The following PDE5A variants were observed in gnomAD, a reference collection of about 807,000 sequenced individuals.
PDE5A encodes phosphodiesterase 5A.
A neutral mutation model predicts 110.2 loss-of-function variants in PDE5A; 67 were observed. The observed-to-expected ratio is 0.61, with a 90% confidence interval of 0.50 to 0.75. PDE5A has a LOEUF of 0.75. Ranked by LOEUF, PDE5A falls within the 30% of genes least tolerant of loss-of-function variation. The pLI is 0.00. For synonymous variants in PDE5A, 328 were observed against 351.2 expected (o/e 0.93, Z 0.74); for missense variants, 862 against 1,045.1 (o/e 0.82, Z 2.42).
At chr4:119,511,473 A>G (rs1285994469) in intron 14 of PDE5A, among the ~76,000 whole-genome samples, 1 of 152,182 alleles carries the variant, frequency 6.6e-6, no homozygotes. Flanking sequence ...TGTACCAATT[A>G]TATTTTTCAA....
intron 7 of PDE5A, among the ~76,000 whole-genome samples, chr4:119,560,008 C>G (rs546742728): frequency 1.3e-5 from 2 of 152,118 alleles, no homozygotes; most frequent in African/African-American, 4.8e-5. Context: ...TCCTAAAATC[C>G]TTTAATAGGA....
At chr4:119,545,163 C>T (rs186934805) in intron 9 of PDE5A, among the ~76,000 whole-genome samples, 7 of 152,144 alleles carry the variant, frequency 4.6e-5, no homozygotes, top group South Asian at 2.1e-4. Context: ...TTACACTCTT[C>T]GGAAAGTTTA....
At position 119,627,230 on chromosome 4, in the gene PDE5A, T is replaced by TC; in HGVS notation, c.152+1289dup. The TC allele has an allele frequency of 6.2e-7, 1 of 1,608,604 alleles. No homozygotes were observed. Among genetic ancestry groups the TC allele is most frequent in the South Asian group, 1.1e-5 (1 of 90,302 alleles). On this transcript the variant is annotated intron_variant, in intron 1 of 20. Transcript: ENST00000354960. The surrounding 1 kb of genome is among the most constrained non-coding windows in gnomAD (Gnocchi z 4.6). Reference sequence around the variant, plus strand: ...CCGCCGATCCTGGACTCCAGGAGGCTCCGTAGGGGCAACAACGCGCGCAGG... The same window carrying TC: ...CCGCCGATCCTGGACTCCAGGAGGCTCCCGTAGGGGCAACAACGCGCGCAGG...
rs750155577 is a variant in PDE5A at position 119,591,155 on chromosome 4, C to G, written c.831+5368G>C. Among the ~76,000 whole-genome samples the G allele has an allele frequency of 5.3e-5, 8 of 152,324 alleles. No homozygotes were observed. In the South Asian group the frequency reaches 1.7e-3, roughly 32 times the overall value. On this transcript the variant is annotated intron_variant, in intron 3 of 20. Transcript: ENST00000354960. ...GGGATCCCAGTTAGCTGAGTACTGG[C>G]TTTGGTCCCAGTTAGCTGATTATTA...
intron 6 of PDE5A, among the ~76,000 whole-genome samples, 165 bp downstream of exon 6, chr4:119,562,668 G>A (rs909202939): frequency 6.6e-6 from 1 of 152,118 alleles, no homozygotes; most frequent in African/African-American, 2.4e-5. Context: ...ACCCCTACCT[G>A]TCTTCAACCA....
chr4:119,547,851 C>T (rs760152695), intron 9 of PDE5A, among the ~76,000 whole-genome samples: 12 of 151,786 alleles, frequency 7.9e-5, no homozygotes, highest in Non-Finnish European at 8.8e-5. Flanking sequence ...TGCATATCAC[C>T]AATATTTGAT....
chr4:119,607,205 G>C lies in PDE5A; in HGVS notation c.245C>G (p.Pro82Arg). Reference protein sequence around the residue: ...IRGHTESCSCPLQQSPRADNS... With the variant: ...IRGHTESCSCRLQQSPRADNS... ...ATCTGCACGAGGACTCTGCTGCAAG[G>C]GACAAGAGCAAGATTCGGTGTGGCC... The change falls in exon 2 of 21, where the codon CCC becomes CGC. Residue 82 changes from proline (P) to arginine (R), a missense_variant. Physicochemically the swap from Pro to Arg is moderately radical, Grantham distance 103. Transcript: ENST00000354960. 2 of 1,614,076 alleles carry C rather than the reference G, an allele frequency of 1.2e-6. No individual in the cohort carries two copies. The highest frequency in any genetic ancestry group is 2.2e-5 in the South Asian group (2 of 91,074).
chr4:119,501,906 G>A (rs556470765), intron 19 of PDE5A, among the ~76,000 whole-genome samples: 1 of 152,200 alleles, frequency 6.6e-6, no homozygotes, highest in South Asian at 2.1e-4. Context: ...TATTCCCTTG[G>A]TGTAATGTTT....
At chr4:119,617,736 T>C (rs1350093063) in intron 1 of PDE5A, among the ~76,000 whole-genome samples, 1 of 152,136 alleles carries the variant, frequency 6.6e-6, no homozygotes, top group Non-Finnish European at 1.5e-5. Context: ...CCTAAAATAA[T>C]GTATCAAAGG....
chr4:119,574,553 C>T (rs561923322), intron 3 of PDE5A, among the ~76,000 whole-genome samples: 4 of 152,164 alleles, frequency 2.6e-5, no homozygotes, highest in Non-Finnish European at 2.9e-5. Context: ...TACATACTAA[C>T]GCTTAGTCTT....
chr4:119,577,278 T>A (rs1408522450), intron 3 of PDE5A, among the ~76,000 whole-genome samples: 9 of 152,188 alleles, frequency 5.9e-5, no homozygotes, highest in Admixed American at 4.6e-4. Flanking sequence ...CTGGTACCAT[T>A]CCTTCTGAAA....
chr4:119,622,189 A>G (rs1730175035), intron 1 of PDE5A, among the ~76,000 whole-genome samples: 1 of 151,040 alleles, frequency 6.6e-6, no homozygotes, highest in Non-Finnish European at 1.5e-5. Context: ...AAAAAAAAAG[A>G]AAAGAAAAAT....
At chr4:119,515,274 T>TAG (rs1459693376) in intron 14 of PDE5A, among the ~76,000 whole-genome samples, 4 of 152,266 alleles carry the variant, frequency 2.6e-5, no homozygotes, top group Admixed American at 2.6e-4. Context: ...GTGCTGTGTG[T>TAG]AGTGCCCTTT....
intron 14 of PDE5A, among the ~76,000 whole-genome samples, chr4:119,512,657 G>A (rs1203736981): frequency 6.6e-6 from 1 of 151,972 alleles, no homozygotes; most frequent in African/African-American, 2.4e-5. Context: ...GAGATAAGGG[G>A]ATGAGGGAGA....
At chr4:119,581,176 A>T (rs1267128323) in intron 3 of PDE5A, among the ~76,000 whole-genome samples, 1 of 152,226 alleles carries the variant, frequency 6.6e-6, no homozygotes, top group African/African-American at 2.4e-5. Flanking sequence ...ATGGGCACCT[A>T]CTACAAACAT....
Position 119,552,540 on chromosome 4 carries a change from A to G in PDE5A, c.1396+10T>C, listed in dbSNP as rs746811177. On this transcript the variant is annotated intron_variant, in intron 9 of 20. Transcript: ENST00000354960. The stretch of plus-strand genomic sequence containing the variant: ...TAAGTTTAGAGTATAGGTTAAAGGA[A>G]AGGTTTTACCTATAACTTTATTCTT... The G allele has an allele frequency of 4.1e-6, 5 of 1,223,362 alleles. No homozygotes were observed. In the South Asian group the frequency reaches 8.1e-5, roughly 20 times the overall value. The allele number at this position is 1,223,362 out of a possible 1,614,324, so 75.8% of individuals were successfully genotyped here.
At chr4:119,604,019 T>C (rs193273261) in intron 2 of PDE5A, among the ~76,000 whole-genome samples, 2 of 152,314 alleles carry the variant, frequency 1.3e-5, no homozygotes, top group Non-Finnish European at 2.9e-5. Flanking sequence ...AATATCAATA[T>C]AAATTAGATC....
chr4:119,582,587 C>A (rs1378322467), intron 3 of PDE5A, among the ~76,000 whole-genome samples: 1 of 152,156 alleles, frequency 6.6e-6, no homozygotes, highest in Non-Finnish European at 1.5e-5. Flanking sequence ...TTTACTCTTC[C>A]CAGAGCCACC....
rs571660458 is a variant in PDE5A, at chr4:119,588,449, T to C, written c.831+8074A>G. The stretch of plus-strand genomic sequence containing the variant: ...CCCTTAGCCTCCCAAAGTGCTTGGA[T>C]TACAGGCGTGAGCCACCGCGCCTAG... On this transcript the variant is annotated intron_variant, in intron 3 of 20. Transcript: ENST00000354960. 2.0e-5 allele frequency among the ~76,000 whole-genome samples: 3 copies of C among 151,544 alleles called. No individual in the cohort carries two copies. In the East Asian group the frequency reaches 5.9e-4, roughly 30 times the overall value.
Sources: gnomAD v4.1 joint callset for allele counts (sites outside exome capture counted in the v4.1 genomes callset) on GRCh38, gnomAD v4.1.1 for gene constraint, Gnocchi (gnomAD v3.1) non-coding constraint, MANE v1.5 for transcripts, NCBI Gene and HGNC (gene_info 2026-07-23, HGNC 2026-07-21) for gene names.